Variants in ATP13A4 observed in about 807,000 individuals in gnomAD.
ATP13A4 encodes the protein ATPase 13A4.
ATP13A4 carries 114 observed loss-of-function variants against 142.5 expected under a neutral mutation model. The ratio of observed to expected loss-of-function variants is 0.80; its 90% CI spans 0.69 to 0.93. The LOEUF is 0.93. Among genes scored for constraint, ATP13A4 ranks in the 40% least tolerant of loss-of-function variants. The pLI, the probability that ATP13A4 is intolerant of heterozygous loss-of-function variation, is 0.00. For synonymous variants in ATP13A4, 488 were observed against 514.8 expected, an observed-to-expected ratio of 0.95 and a Z score of 0.70; for missense variants, 1,392 against 1,454.0, an observed-to-expected ratio of 0.96 and a Z score of 0.69.
Position 193,425,155 on chromosome 3 carries a change from G to A in ATP13A4, c.2842+8690C>T, listed in dbSNP as rs571477394. On this transcript the variant is annotated intron_variant, in intron 25 of 29. Transcript: ENST00000342695. Reference sequence around the variant, plus strand: ...CAGGGAAATGCAAATCAAAACCACCGTGAGATATAATCTCACTCCAGTTAG... The same window carrying A: ...CAGGGAAATGCAAATCAAAACCACCATGAGATATAATCTCACTCCAGTTAG... 1.7e-4 allele frequency among the ~76,000 whole-genome samples: 25 copies of A among 151,264 alleles called. 4 individuals are homozygous for A. The highest frequency in any genetic ancestry group is 1.4e-3 in the East Asian group (7 of 5,154).
chr3:193,546,330 C>T lies in ATP13A4; in HGVS notation c.60+8410G>A, dbSNP rs143914597. Among the ~76,000 whole-genome samples the T allele has an allele frequency of 2.2e-3, 335 of 152,188 alleles. 1 individual carries two copies. The highest frequency in any genetic ancestry group is 7.6e-3 in the African/African-American group (317 of 41,520). On this transcript the variant is annotated intron_variant, in intron 1 of 29. Transcript: ENST00000342695. ...TTACCACTCCCTAATTCCTGTTTAC[C>T]CAATGTAGTTACTTACATTCCTTTC...
chr3:193,558,302 A>T (rs552241758), upstream of ATP13A4, among the ~76,000 whole-genome samples: 10 of 152,338 alleles, frequency 6.6e-5, no homozygotes, highest in African/African-American at 2.4e-4. Flanking sequence ...TGCCTGTTCA[A>T]TATTTCTATT....
At chr3:193,480,431 G>GA (rs1206057425) in intron 8 of ATP13A4, among the ~76,000 whole-genome samples, 1 of 151,598 alleles carries the variant, frequency 6.6e-6, no homozygotes, top group Admixed American at 6.6e-5. Context: ...AAATCAGCAA[G>GA]AAAAAAACAA....
intron 8 of ATP13A4, among the ~76,000 whole-genome samples, chr3:193,471,674 TCACACA>T (rs3052495): frequency 6.6e-6 from 1 of 150,532 alleles, no homozygotes; most frequent in Non-Finnish European, 1.5e-5. Flanking sequence ...TATTGTCACT[TCACACA>T]CACACACACA....
chr3:193,461,856 C>T (rs1463424308), intron 13 of ATP13A4, among the ~76,000 whole-genome samples: 1 of 152,120 alleles, frequency 6.6e-6, no homozygotes, highest in Non-Finnish European at 1.5e-5. Flanking sequence ...ACAAGAGGGC[C>T]ACAGGAGAGG....
chr3:193,512,490 C>A (rs561043541), intron 2 of ATP13A4, among the ~76,000 whole-genome samples: 26 of 152,268 alleles, frequency 1.7e-4, no homozygotes, highest in East Asian at 5.8e-4. Flanking sequence ...TCCCAAGGAC[C>A]AAGTGAACAA....
intron 1 of ATP13A4, among the ~76,000 whole-genome samples, chr3:193,543,024 C>T (rs148872296): frequency 1.9e-3 from 285 of 152,034 alleles, no homozygotes; most frequent in African/African-American, 6.0e-3. Flanking sequence ...AAAAATTAGC[C>T]GGGTGTGGTG....
At chr3:193,446,076 T>C (rs2108626981) in intron 18 of ATP13A4, among the ~76,000 whole-genome samples, 1 of 152,212 alleles carries the variant, frequency 6.6e-6, no homozygotes, top group African/African-American at 2.4e-5. Context: ...GGCAGGAGGA[T>C]CGCTTGAGCC....
intron 3 of ATP13A4, among the ~76,000 whole-genome samples, chr3:193,494,567 T>G (rs1720122192): frequency 6.6e-6 from 1 of 152,012 alleles, no homozygotes; most frequent in Non-Finnish European, 1.5e-5. Flanking sequence ...ATTCAAAATT[T>G]CTTGAGACAA....
At chr3:193,417,702 T>TAATAAATATTAGTGAGAA (rs1576939695) in intron 25 of ATP13A4, among the ~76,000 whole-genome samples, 25 of 137,650 alleles carry the variant, frequency 1.8e-4, no homozygotes, top group East Asian at 8.4e-4. Context: ...AAAAAAGAAA[T>TAATAAATATTAGTGAGAA]TGGCCAGGCG....
At chr3:193,464,893 C>A (rs777070993) in intron 12 of ATP13A4, 47 bp downstream of exon 12, 2 of 1,586,604 alleles carry the variant, frequency 1.3e-6, no homozygotes, top group Non-Finnish European at 1.7e-6. Context: ...TACATGATGA[C>A]AGCAATGGTA....
chr3:193,418,248 GC>G (rs1363504677), intron 25 of ATP13A4, among the ~76,000 whole-genome samples: 1 of 143,682 alleles, frequency 7.0e-6, no homozygotes, highest in Non-Finnish European at 1.5e-5. Flanking sequence ...ACCCCGAGGG[GC>G]CAGAGCCTGC....
Position 193,489,779 on chromosome 3 carries a change from A to T in ATP13A4, c.689T>A (p.Ile230Lys), listed in dbSNP as rs1351226944. 1 of 1,611,260 alleles carries T rather than the reference A, an allele frequency of 6.2e-7. No homozygotes were observed. The highest frequency in any genetic ancestry group is 8.5e-7 in the Non-Finnish European group (1 of 1,177,422). ...EDYKEYAFAIIIMSIISISLT... is the reference protein window; with the variant it reads ...EDYKEYAFAIKIMSIISISLT... ...AGATATGGAAATTATGGACATGATT[A>T]TGATGGCAAAAGCATATTCCTTATA... The change falls in exon 7 of 30, where the codon ATA becomes AAA. Residue 230 changes from isoleucine (I) to lysine (K), a missense_variant. Transcript: ENST00000342695.
chr3:193,526,374 C>T (rs1004445798), intron 1 of ATP13A4, among the ~76,000 whole-genome samples: 2 of 152,166 alleles, frequency 1.3e-5, no homozygotes, highest in Admixed American at 1.3e-4. Context: ...CACATTTTCT[C>T]CCTCATAAGT....
intron 25 of ATP13A4, among the ~76,000 whole-genome samples, chr3:193,433,615 C>T (rs910686218): frequency 6.6e-6 from 1 of 152,188 alleles, no homozygotes; most frequent in African/African-American, 2.4e-5. Context: ...AGAAGTTCCA[C>T]ATTTTGCAGA....
At chr3:193,573,943 C>G (rs938312038) in intron 2 of ATP13A4, among the ~76,000 whole-genome samples, 2 of 152,108 alleles carry the variant, frequency 1.3e-5, no homozygotes, top group Admixed American at 1.3e-4. Context: ...TATAACCTTA[C>G]CCTGAATGCA....
chr3:193,538,892 C>CT (rs67132373), intron 1 of ATP13A4, among the ~76,000 whole-genome samples: 20,303 of 120,850 alleles, frequency 0.17, 2,156 homozygotes, highest in South Asian at 0.23. Context: ...TTGGTTTTTT[C>CT]TTTTTTTTTT....
chr3:193,488,475 G>A (rs963309483), intron 7 of ATP13A4, among the ~76,000 whole-genome samples: 3 of 152,234 alleles, frequency 2.0e-5, no homozygotes, highest in African/African-American at 7.2e-5. Flanking sequence ...CTTTTGTTCG[G>A]TTTGAATTTT....
At chr3:193,413,832 C>T (rs1185206968) in intron 26 of ATP13A4, among the ~76,000 whole-genome samples, 1 of 152,176 alleles carries the variant, frequency 6.6e-6, no homozygotes, top group African/African-American at 2.4e-5. Context: ...AGACCTTTAT[C>T]AGGAGCTTTT....
Sources: allele counts gnomAD v4.1 joint callset (sites outside exome capture counted in the v4.1 genomes callset), GRCh38; gene constraint gnomAD v4.1.1; transcripts MANE v1.5; gene names NCBI Gene and HGNC (gene_info 2026-07-23, HGNC 2026-07-21).